Variants in BICRA observed in about 807,000 individuals in gnomAD.
BICRA encodes BRD4-interacting chromatin-remodeling complex-associated protein.
Under a neutral mutation model 96.9 loss-of-function variants are expected in BICRA, and 31 were observed. The observed-to-expected ratio is 0.32, with a 90% CI of 0.24 to 0.43. The LOEUF is 0.43. Among genes scored for constraint, BICRA ranks in the 20% least tolerant of loss-of-function variants. The pLI is 1.00. For missense variants in BICRA, 2,283 were observed against 2,190.3 expected, an observed-to-expected ratio of 1.04 and a Z score of -0.84; for synonymous variants, 1,350 against 1,071.8, an observed-to-expected ratio of 1.26 and a Z score of -5.07.
At chr19:47,682,202 C>T (rs1264566482) in intron 7 of BICRA, 50 bp downstream of exon 7, 6 of 774,190 alleles carry the variant, frequency 7.8e-6, no homozygotes, top group Non-Finnish European at 1.0e-5. Context: ...CAGCCTCGCC[C>T]CTCCTGCCCG....
In BICRA at chr19:47,701,456, C is replaced by G; in HGVS notation, c.3724C>G (p.Leu1242Val). ...GGCCTCCACCCAGCCCCCTCCACAC[C>G]TGCCCACCAAGCTTGTGATCCGGCA... ...PGASTQPPPHLPTKLVIRHGG... is the reference protein window; with the variant it reads ...PGASTQPPPHVPTKLVIRHGG... Residue 1242 changes from leucine (L) to valine (V), a missense_variant, in exon 15 of 15, where the codon CTG (leucine) becomes GTG (valine). Coordinates refer to ENST00000594866, the MANE Select transcript of BICRA (RefSeq NM_001394372.1). This position sits in a 1 kb window ranked among gnomAD's most constrained non-coding sequence, Gnocchi z 5.4. 6.4e-7 allele frequency: 1 copy of G among 1,567,006 alleles called. No individual in the cohort carries two copies. Among genetic ancestry groups the G allele is most frequent in the Non-Finnish European group, 8.6e-7 (1 of 1,157,062 alleles).
Position 47,698,642 on chromosome 19 carries a change from A to G in BICRA, c.3257A>G (p.Glu1086Gly). ...LQPSKEACFLEHLHKHQGSVL... is the reference protein window; with the variant it reads ...LQPSKEACFLGHLHKHQGSVL... ...CCCCTTTCCACCCGCAGTTTCCTGG[A>G]GCATTTGCACAAACACCAGGGCTCC... is the stretch of plus-strand genomic sequence containing the variant. The change falls in exon 12 of 15, where the codon GAG becomes GGG. Residue 1086 changes from glutamate (E) to glycine (G), a missense_variant. Transcript: ENST00000594866. This position sits in a 1 kb window ranked among gnomAD's most constrained non-coding sequence, Gnocchi z 4.8. The G allele has an allele frequency of 1.5e-6, 2 of 1,358,412 alleles. No individual in the cohort carries two copies. Among genetic ancestry groups the G allele is most frequent in the Middle Eastern group, 2.0e-4 (1 of 5,046 alleles). 84.1% of individuals were successfully genotyped at this position (1,358,412 alleles called of 1,614,324 possible).
At chr19:47,653,498 T>A (rs150474813) in intron 1 of BICRA, among the ~76,000 whole-genome samples, 3 of 152,180 alleles carry the variant, frequency 2.0e-5, no homozygotes, top group African/African-American at 4.8e-5. Flanking sequence ...GCCGTACTCA[T>A]GAGCAGCCGC....
chr19:47,611,937 C>A (rs868803644), intron 1 of BICRA, among the ~76,000 whole-genome samples: 61 of 150,862 alleles, frequency 4.0e-4, no homozygotes, highest in African/African-American at 1.4e-3. Context: ...ATGGCCTGAT[C>A]TTGGTTCACT....
chr19:47,614,782 G>A (rs911830544), intron 1 of BICRA, among the ~76,000 whole-genome samples: 7 of 152,108 alleles, frequency 4.6e-5, no homozygotes, highest in Non-Finnish European at 1.5e-5. Context: ...CTCTGTGTGG[G>A]TGAATCCTCC....
chr19:47,681,661 C>T (rs937304858), intron 6 of BICRA, among the ~76,000 whole-genome samples: 4 of 151,996 alleles, frequency 2.6e-5, no homozygotes, highest in Non-Finnish European at 5.9e-5. Flanking sequence ...CAGAGAAGGG[C>T]AGGCACTGGC....
chr19:47,616,379 G>A (rs1324134875), intron 1 of BICRA, among the ~76,000 whole-genome samples: 5 of 152,212 alleles, frequency 3.3e-5, no homozygotes, highest in Non-Finnish European at 7.3e-5. Flanking sequence ...GCTCATGCCT[G>A]TAATCCCAGC....
intron 1 of BICRA, among the ~76,000 whole-genome samples, chr19:47,617,932 T>TC (rs1470220571): frequency 6.6e-6 from 1 of 152,212 alleles, no homozygotes; most frequent in Non-Finnish European, 1.5e-5. Flanking sequence ...TTTCAGCACC[T>TC]CCAGAGTCTG....
chr19:47,698,586 T>C lies in BICRA; in HGVS notation c.3249-48T>C. 17 of 716,634 alleles carry C rather than the reference T, an allele frequency of 2.4e-5. No individual in the cohort carries two copies. The highest frequency in any genetic ancestry group is 8.6e-5 in the East Asian group (3 of 34,888). 44.4% of individuals were successfully genotyped at this position (716,634 alleles called of 1,614,324 possible). Reference sequence around the variant, plus strand: ...AGGGACTTCCCCTGGCCCTCACCCGTCCCCCCCACCCTCCGCCGTGTGTGG... The same window carrying C: ...AGGGACTTCCCCTGGCCCTCACCCGCCCCCCCCACCCTCCGCCGTGTGTGG... On this transcript the variant is annotated intron_variant, in intron 11 of 14. Coordinates refer to ENST00000594866, the MANE Select transcript of BICRA (RefSeq NM_001394372.1). The surrounding 1 kb of genome is among the most constrained non-coding windows in gnomAD (Gnocchi z 4.8).
intron 9 of BICRA, 22 bp from the exon 10 acceptor site, chr19:47,695,343 C>CGG (rs1973320053): frequency 1.6e-6 from 1 of 630,244 alleles, no homozygotes. Flanking sequence ...GGCCCTGTCT[C>CGG]CCCCACCCCA....
intron 1 of BICRA, among the ~76,000 whole-genome samples, chr19:47,657,139 G>A (rs1317177889): frequency 6.6e-6 from 1 of 152,104 alleles, no homozygotes; most frequent in Non-Finnish European, 1.5e-5. Flanking sequence ...GGGATTACAG[G>A]CGTGAGCCAC....
In BICRA at chr19:47,673,777, A is replaced by G; in HGVS notation, c.84+15A>G. ...GATCCGAGAAGGTAAGCATGGGCGC[A>G]GGGAGAGGCATTCCCTGAGTGGGGG... On this transcript the variant is annotated intron_variant, in intron 4 of 14. Coordinates refer to ENST00000594866, the MANE Select transcript of BICRA (RefSeq NM_001394372.1). The G allele has an allele frequency of 6.2e-7, 1 of 1,607,196 alleles. No individual in the cohort carries two copies. The highest frequency in any genetic ancestry group is 8.5e-7 in the Non-Finnish European group (1 of 1,173,934).
At position 47,694,200 on chromosome 19, in the gene BICRA, ACCTG is replaced by A; in HGVS notation, c.2372_2375del (p.Leu791ProfsTer50). ...CAGGCCCCTCTGGGGGACAGCCCCC[ACCTG>A]CCCTCCCCACACCCCACCCGGCCCC... On this transcript the variant is annotated frameshift_variant, in exon 8 of 15. Coordinates refer to ENST00000594866, the MANE Select transcript of BICRA (RefSeq NM_001394372.1). LOFTEE classifies it high-confidence loss of function. 2.3e-5 allele frequency: 16 copies of A among 707,856 alleles called. No individual in the cohort carries two copies. The highest frequency in any genetic ancestry group is 9.7e-5 in the South Asian group (3 of 30,792). The allele number at this position is 707,856 out of a possible 1,614,324, so 43.8% of individuals were successfully genotyped here. A position where few individuals can be genotyped will look rare whatever the true frequency, so the allele number is the denominator to read the frequency against.
intron 1 of BICRA, among the ~76,000 whole-genome samples, chr19:47,655,760 G>A (rs1047012647): frequency 2.6e-5 from 4 of 151,650 alleles, no homozygotes; most frequent in Middle Eastern, 3.4e-3. Context: ...GGAGGCTGAG[G>A]CAGGAGAATC....
At chr19:47,678,133 T>A (rs1207808215) in intron 5 of BICRA, among the ~76,000 whole-genome samples, 1 of 152,220 alleles carries the variant, frequency 6.6e-6, no homozygotes, top group Admixed American at 6.5e-5. Context: ...TGTTTTGTTT[T>A]GAGATGGAGT....
At chr19:47,650,423 AT>A (rs1972524401) in intron 1 of BICRA, among the ~76,000 whole-genome samples, 3 of 152,068 alleles carry the variant, frequency 2.0e-5, no homozygotes, top group Non-Finnish European at 1.5e-5. Flanking sequence ...CACCTGGCCA[AT>A]TTTTGTATTC....
In BICRA at chr19:47,698,648, T is replaced by G. The variant is rs1181764860; in HGVS notation, c.3263T>G (p.Leu1088Trp). 1 of 1,567,312 alleles carries G rather than the reference T, an allele frequency of 6.4e-7. No individual in the cohort carries two copies. Among genetic ancestry groups the G allele is most frequent in the Non-Finnish European group, 8.8e-7 (1 of 1,137,940 alleles). The change falls in exon 12 of 15, where the codon TTG (leucine) becomes TGG (tryptophan). Residue 1088 changes from leucine (L) to tryptophan (W), a missense_variant. Transcript: ENST00000594866. The surrounding 1 kb of genome is among the most constrained non-coding windows in gnomAD (Gnocchi z 4.8). The part of the protein sequence containing the change: ...PSKEACFLEH[L>W]HKHQGSVLHP... ...TCCACCCGCAGTTTCCTGGAGCATT[T>G]GCACAAACACCAGGGCTCCGTCCTG...
intron 1 of BICRA, among the ~76,000 whole-genome samples, chr19:47,611,954 T>A (rs1414912174): frequency 6.6e-6 from 1 of 151,486 alleles, no homozygotes; most frequent in East Asian, 1.9e-4. Flanking sequence ...CACTGCAACC[T>A]CTGCCTCCCA....
At chr19:47,672,099 AGATG>A (rs1210330945) in intron 2 of BICRA, among the ~76,000 whole-genome samples, 1 of 130,986 alleles carries the variant, frequency 7.6e-6, no homozygotes, top group Non-Finnish European at 1.6e-5. Context: ...ATCGGTAGGT[AGATG>A]GATGGAAGGA....
Sources: gnomAD v4.1 joint callset for allele counts (sites outside exome capture counted in the v4.1 genomes callset) on GRCh38, gnomAD v4.1.1 for gene constraint, Gnocchi (gnomAD v3.1) non-coding constraint, MANE v1.5 for transcripts, NCBI Gene and HGNC (gene_info 2026-07-23, HGNC 2026-07-21) for gene names.